DOCK8: variants seen among roughly 807,000 people sequenced by gnomAD.
The protein encoded by DOCK8 is dedicator of cytokinesis protein 8.
In DOCK8, 141 loss-of-function variants were observed where a neutral mutation model predicts 245.6. The ratio of observed to expected loss-of-function variants is 0.57; its 90% CI spans 0.50 to 0.66. The LOEUF (loss-of-function observed/expected upper bound fraction) is 0.66. Ranked by LOEUF, DOCK8 falls within the 30% of genes least tolerant of loss-of-function variation. The pLI is 0.00. For missense variants in DOCK8, 2,965 were observed against 2,603.4 expected (o/e 1.14, Z -3.02); for synonymous variants, 1,168 against 970.2 (o/e 1.20, Z -3.79).
intron 23 of DOCK8, among the ~76,000 whole-genome samples, chr9:389,416 G>A (rs1254800123): frequency 6.6e-6 from 1 of 152,190 alleles, no homozygotes; most frequent in East Asian, 1.9e-4. Flanking sequence ...TAGACATTTA[G>A]ATGTTGTAAG....
chr9:393,470 A>G (rs569114435), intron 24 of DOCK8, among the ~76,000 whole-genome samples: 3 of 152,216 alleles, frequency 2.0e-5, no homozygotes, highest in South Asian at 2.1e-4. Flanking sequence ...AACTTTTATT[A>G]TCCCAAATTT....
At chr9:263,333 T>C (rs958221004) in intron 1 of DOCK8, among the ~76,000 whole-genome samples, 3 of 152,218 alleles carry the variant, frequency 2.0e-5, no homozygotes, top group Non-Finnish European at 4.4e-5. Context: ...GTTTGACTTA[T>C]TAGAATCCTA....
intron 46 of DOCK8, among the ~76,000 whole-genome samples, chr9:459,459 G>A (rs547484054): frequency 3.3e-4 from 50 of 152,214 alleles, no homozygotes; most frequent in African/African-American, 1.2e-3. Flanking sequence ...TAATTGCTGT[G>A]TAACAAACTA....
chr9:334,631 A>G (rs2051222546), intron 11 of DOCK8, among the ~76,000 whole-genome samples: 1 of 152,210 alleles, frequency 6.6e-6, no homozygotes, highest in Admixed American at 6.5e-5. Context: ...AGATGGTATG[A>G]CACTTTAAAA....
chr9:214,527 AT>A, upstream of DOCK8: 1 of 1,613,146 alleles, frequency 6.2e-7, no homozygotes, highest in South Asian at 1.1e-5. Context: ...CCCTGGGGTG[AT>A]TCCCGACCTC....
Position 464,190 on chromosome 9 carries a change from T to G in DOCK8, c.6271T>G (p.Cys2091Gly), listed in dbSNP as rs1268993650. 6.2e-7 allele frequency: 1 copy of G among 1,614,034 alleles called. No individual in the cohort carries two copies. ...DSFHRSSFRKCETQLSQGS is the reference protein window; with the variant it reads ...DSFHRSSFRKGETQLSQGS Reference sequence around the variant, plus strand: ...CTTCCACAGATCTAGTTTCAGGAAATGTGAAACCCAGTTGTCACAGGGCAG... The same window carrying G: ...CTTCCACAGATCTAGTTTCAGGAAAGGTGAAACCCAGTTGTCACAGGGCAG... The change falls in exon 48 of 48, where the codon TGT becomes GGT. Residue 2091 changes from cysteine to glycine, a missense_variant. Coordinates refer to ENST00000432829, the MANE Select transcript of DOCK8 (RefSeq NM_203447.4).
chr9:343,388 C>T (rs113811221), intron 14 of DOCK8, among the ~76,000 whole-genome samples: 1 of 151,740 alleles, frequency 6.6e-6, no homozygotes, highest in African/African-American at 2.4e-5. Context: ...TTCTAGCTAC[C>T]CAGAAGGCTG....
intron 2 of DOCK8, 39 bp from the exon 3 acceptor site, chr9:286,422 T>C: frequency 6.2e-7 from 1 of 1,608,056 alleles, no homozygotes; most frequent in South Asian, 1.1e-5. Flanking sequence ...ACCAGAAAAC[T>C]GGGTGAGAAC....
intron 26 of DOCK8, among the ~76,000 whole-genome samples, chr9:403,936 A>ATG (rs1564021418): frequency 2.0e-4 from 17 of 83,932 alleles, no homozygotes; most frequent in African/African-American, 1.3e-3. Context: ...ATATGTGTAT[A>ATG]TATATATGTG....
chr9:425,427 G>A (rs929415094), intron 33 of DOCK8, among the ~76,000 whole-genome samples: 2 of 151,814 alleles, frequency 1.3e-5, no homozygotes, highest in African/African-American at 4.8e-5. Context: ...AGCTACTCGG[G>A]AGGCTGAAGC....
At chr9:360,168 T>TAGCCG in intron 14 of DOCK8, among the ~76,000 whole-genome samples, 1 of 151,774 alleles carries the variant, frequency 6.6e-6, no homozygotes, top group Non-Finnish European at 1.5e-5. Flanking sequence ...ATACAAAAAT[T>TAGCCG]AGCCGGGCCT....
At chr9:215,303 C>T (rs1447375240) in intron 1 of DOCK8, 3 of 1,606,758 alleles carry the variant, frequency 1.9e-6, no homozygotes, top group African/African-American at 1.3e-5. Context: ...ACAACCTCGC[C>T]CGCTCCGCCC....
intron 2 of DOCK8, among the ~76,000 whole-genome samples, chr9:280,035 T>C (rs1296271795): frequency 6.6e-6 from 1 of 152,238 alleles, no homozygotes; most frequent in Non-Finnish European, 1.5e-5. Context: ...TCAACAGATA[T>C]GGTTCTGGGG....
At chr9:331,121 T>C (rs1255300257) in intron 9 of DOCK8, among the ~76,000 whole-genome samples, 1 of 152,226 alleles carries the variant, frequency 6.6e-6, no homozygotes, top group Admixed American at 6.5e-5. Context: ...CAATTTGTTC[T>C]ACAAGCTCCT....
chr9:399,702 C>A (rs1256707564), intron 26 of DOCK8, among the ~76,000 whole-genome samples: 1 of 152,144 alleles, frequency 6.6e-6, no homozygotes, highest in East Asian at 1.9e-4. Flanking sequence ...TAAATAAAAT[C>A]ATTCAAAGAG....
chr9:295,690 T>TTC (rs1204665219), intron 4 of DOCK8, among the ~76,000 whole-genome samples: 1 of 152,196 alleles, frequency 6.6e-6, no homozygotes, highest in Non-Finnish European at 1.5e-5. Flanking sequence ...GCTCCTTTAT[T>TTC]TCTCAGTTAT....
At chr9:372,381 G>A in intron 18 of DOCK8, 95 bp downstream of exon 18, 1 of 951,150 alleles carries the variant, frequency 1.1e-6, no homozygotes, top group Non-Finnish European at 1.7e-6. Flanking sequence ...GGCCATGGAT[G>A]TTCATCATGT....
Position 371,484 on chromosome 9 carries a change from A to G in DOCK8, c.1925A>G (p.Asn642Ser). Residue 642 changes from asparagine to serine, a missense_variant, in exon 17 of 48, where the codon AAT (asparagine) becomes AGT (serine). By Grantham distance (46) the Asn-to-Ser change is conservative. Coordinates refer to ENST00000432829, the MANE Select transcript of DOCK8 (RefSeq NM_203447.4). ...AAGCTCCCCGCTAAGCTCACAGTAAATCACCACCTCCTGTTCACCTTCTAC... is the reference window on the plus strand; with the variant it reads ...AAGCTCCCCGCTAAGCTCACAGTAAGTCACCACCTCCTGTTCACCTTCTAC... ...KIKLPAKLTVNHHLLFTFYHI... is the reference protein window; with the variant it reads ...KIKLPAKLTVSHHLLFTFYHI... 6.2e-7 allele frequency: 1 copy of G among 1,614,232 alleles called. No individual in the cohort carries two copies. The highest frequency in any genetic ancestry group is 8.5e-7 in the Non-Finnish European group (1 of 1,180,028).
intron 20 of DOCK8, among the ~76,000 whole-genome samples, chr9:379,444 G>A (rs1337065952): frequency 1.3e-5 from 2 of 152,170 alleles, no homozygotes; most frequent in Non-Finnish European, 2.9e-5. Context: ...GGTGATAGTG[G>A]TCGTGTGTGT....
Sources: allele counts gnomAD v4.1 joint callset (sites outside exome capture counted in the v4.1 genomes callset), GRCh38; gene constraint gnomAD v4.1.1; transcripts MANE v1.5; gene names NCBI Gene and HGNC (gene_info 2026-07-23, HGNC 2026-07-21).